The following INHBA variants were observed in gnomAD, a reference collection of about 807,000 sequenced individuals.
The protein encoded by INHBA is inhibin beta A chain.
INHBA carries 1 observed loss-of-function variant against 29.0 expected under a neutral mutation model. That is an observed-to-expected ratio of 0.03 (90% CI 0.01 to 0.16). The LOEUF (loss-of-function observed/expected upper bound fraction) is 0.16, where lower values mean the gene tolerates loss of function less well. INHBA is among the 10% of genes least tolerant of loss of function. The pLI is 1.00. For missense variants in INHBA, 376 were observed against 545.4 expected, an observed-to-expected ratio of 0.69 and a Z score of 3.09; for synonymous variants, 242 against 216.8, an observed-to-expected ratio of 1.12 and a Z score of -1.02.
In INHBA at chr7:41,690,208, C is replaced by G. The variant is rs750879883; in HGVS notation, c.723G>C (p.Arg241=). 6.2e-7 allele frequency: 1 copy of G among 1,614,044 alleles called. No individual in the cohort carries two copies. The highest frequency in any genetic ancestry group is 8.5e-7 in the Non-Finnish European group (1 of 1,180,018). ...LDQGKSSLDV[R]IACEQCQESG... is the part of the protein sequence containing the mutation. ...TCTCCTGGCACTGCTCACAGGCAAT[C>G]CGAACGTCCAGGGAGCTCTTGCCCT... The change falls in exon 3 of 3, where the codon CGG becomes CGC. Residue 241 remains arginine (R), a synonymous_variant. Coordinates refer to ENST00000242208, the MANE Select transcript of INHBA (RefSeq NM_002192.4).
chr7:41,702,020 A>G (rs1047464694), intron 1 of INHBA, among the ~76,000 whole-genome samples: 1 of 152,084 alleles, frequency 6.6e-6, no homozygotes. Context: ...TATTGCTTTT[A>G]TCTTGCAGAA....
At chr7:41,694,250 C>A (rs1030202802) in intron 2 of INHBA, among the ~76,000 whole-genome samples, 1 of 152,082 alleles carries the variant, frequency 6.6e-6, no homozygotes, top group Non-Finnish European at 1.5e-5. Flanking sequence ...ATATATTAAG[C>A]CTCGGAATGT....
intron 2 of INHBA, among the ~76,000 whole-genome samples, chr7:41,696,050 C>CG (rs1173305301): frequency 1.3e-5 from 2 of 151,844 alleles, no homozygotes; most frequent in Admixed American, 1.3e-4. Flanking sequence ...CCCATCTTTC[C>CG]CACCATTTCT....
intron 1 of INHBA, among the ~76,000 whole-genome samples, chr7:41,701,977 T>C (rs1418862054): frequency 6.6e-6 from 1 of 152,176 alleles, no homozygotes; most frequent in Non-Finnish European, 1.5e-5. Flanking sequence ...TAAAAAAAAT[T>C]CTTCCCCCTC....
chr7:41,700,841 A>AAGAGAGAGAGAG (rs3030163), intron 1 of INHBA, among the ~76,000 whole-genome samples: 2,114 of 79,066 alleles, frequency 0.027, 88 homozygotes, highest in Admixed American at 0.051. Flanking sequence ...GAGGGAAAGG[A>AAGAGAGAGAGAG]AGAGAGAGAG....
At chr7:41,699,345 A>C (rs770397348) in intron 2 of INHBA, among the ~76,000 whole-genome samples, 5 of 152,120 alleles carry the variant, frequency 3.3e-5, no homozygotes, top group African/African-American at 4.8e-5. Flanking sequence ...CTGCTGGTTC[A>C]ATGACAACTG....
chr7:41,697,865 A>G (rs750303572), intron 2 of INHBA, among the ~76,000 whole-genome samples: 1 of 152,214 alleles, frequency 6.6e-6, no homozygotes. Context: ...GACAGTCCAT[A>G]CAGCAATCAT....
Position 41,700,114 on chromosome 7 carries a change from G to C in INHBA, c.261C>G (p.Ile87Met), listed in dbSNP as rs756693243. ...CGACTTTGCCCACATGAAGCTTTCT[G>C]ATCGCGTTCAGAAGCGCCGCCTTGG... is the stretch of plus-strand genomic sequence containing the variant. ...PVPKAALLNAIRKLHVGKVGE... is the reference protein window; with the variant it reads ...PVPKAALLNAMRKLHVGKVGE... Residue 87 changes from isoleucine to methionine, a missense_variant, in exon 2 of 3, where the codon ATC (isoleucine) becomes ATG (methionine). Ile to Met is a conservative substitution (Grantham distance 10). Coordinates refer to ENST00000242208, the MANE Select transcript of INHBA (RefSeq NM_002192.4). 1 of 1,614,038 alleles carries C rather than the reference G, an allele frequency of 6.2e-7. No homozygotes were observed. Among genetic ancestry groups the C allele is most frequent in the East Asian group, 2.2e-5 (1 of 44,856 alleles).
rs1055359616 is a variant in INHBA, at chr7:41,689,610, T to C, written c.*40A>G. Reference sequence around the variant, plus strand: ...TTCTTCATTTTGCCACTGTCTTCTCTGGACAACTCTTGCTCCCTTTCCCCC... The same window carrying C: ...TTCTTCATTTTGCCACTGTCTTCTCCGGACAACTCTTGCTCCCTTTCCCCC... On this transcript the variant is annotated 3_prime_UTR_variant, in exon 3 of 3. Coordinates refer to ENST00000242208, the MANE Select transcript of INHBA (RefSeq NM_002192.4). 3 of 1,461,788 alleles carry C rather than the reference T, an allele frequency of 2.1e-6. No individual in the cohort carries two copies. Among genetic ancestry groups the C allele is most frequent in the Non-Finnish European group, 2.7e-6 (3 of 1,108,750 alleles). The allele number at this position is 1,461,788 out of a possible 1,614,324, so 90.6% of individuals were successfully genotyped here.
chr7:41,702,701 T>C (rs1313634651), intron 1 of INHBA, among the ~76,000 whole-genome samples: 2 of 152,208 alleles, frequency 1.3e-5, no homozygotes, highest in Non-Finnish European at 2.9e-5. Flanking sequence ...CTTATCAATA[T>C]TTGGATTCTC....
chr7:41,689,321 G>A lies in INHBA; in HGVS notation c.*329C>T. The A allele has an allele frequency of 3.5e-6, 1 of 282,978 alleles. No homozygotes were observed. The highest frequency in any genetic ancestry group is 6.6e-6 in the Non-Finnish European group (1 of 152,020). The allele number at this position is 282,978 out of a possible 1,614,324, so 17.5% of individuals were successfully genotyped here. On this transcript the variant is annotated 3_prime_UTR_variant, in exon 3 of 3. Transcript: ENST00000242208. ...CAAGGCTCACAAGGGAACCTCAAGG[G>A]GGGAAAGGACAATACCCCGTTTAAA...
rs1299150973 is a variant in INHBA at position 41,689,908 on chromosome 7, A to T, written c.1023T>A (p.Ala341=). 1.3e-5 allele frequency: 21 copies of T among 1,613,886 alleles called. No homozygotes were observed. The highest frequency in any genetic ancestry group is 1.6e-5 in the Non-Finnish European group (19 of 1,180,048). ...AGTAGTTGGCATGATAGCCAGAGGG[A>T]GCAATGATCCAGTCATTCCAGCCGA... is the stretch of plus-strand genomic sequence containing the variant. ...KDIGWNDWII[A]PSGYHANYCE... The change falls in exon 3 of 3, where the codon GCT becomes GCA. Residue 341 remains alanine (A), a synonymous_variant. Coordinates refer to ENST00000242208, the MANE Select transcript of INHBA (RefSeq NM_002192.4).
upstream of INHBA, among the ~76,000 whole-genome samples, chr7:41,704,654 GT>G (rs1794872578): frequency 7.7e-6 from 1 of 129,866 alleles, no homozygotes; most frequent in Non-Finnish European, 1.7e-5. Context: ...GTGTGTGTGT[GT>G]GTAGGTGACG....
At chr7:41,696,420 C>T (rs960653881) in intron 2 of INHBA, among the ~76,000 whole-genome samples, 1 of 152,182 alleles carries the variant, frequency 6.6e-6, no homozygotes, top group Non-Finnish European at 1.5e-5. Flanking sequence ...ATTTCCTTTC[C>T]TTCTGTCTCA....
At chr7:41,701,391 C>T (rs1319325536) in intron 1 of INHBA, among the ~76,000 whole-genome samples, 5 of 152,028 alleles carry the variant, frequency 3.3e-5, no homozygotes, top group South Asian at 2.1e-4. Context: ...ATGGTCCTTT[C>T]CCCCAATTCA....
In INHBA at chr7:41,685,164, G is replaced by A. The variant is rs1449859090; in HGVS notation, c.*4486C>T. The A allele has an allele frequency of 6.6e-6, 1 of 152,100 alleles. No homozygotes were observed. 9.4% of individuals were successfully genotyped at this position (152,100 alleles called of 1,614,324 possible). A position where few individuals can be genotyped will look rare whatever the true frequency, so the allele number is the denominator to read the frequency against. On this transcript the variant is annotated 3_prime_UTR_variant, in exon 3 of 3. Transcript: ENST00000242208. Reference sequence around the variant, plus strand: ...TAACATAAGGCCAAAGAAGCTATCAGGCGTTGCTGAATACTGTCCACTAAC... The same window carrying A: ...TAACATAAGGCCAAAGAAGCTATCAAGCGTTGCTGAATACTGTCCACTAAC...
chr7:41,690,193 C>T lies in INHBA; in HGVS notation c.738G>A (p.Gln246=), dbSNP rs757882910. The T allele has an allele frequency of 6.2e-7, 1 of 1,613,954 alleles. No individual in the cohort carries two copies. The highest frequency in any genetic ancestry group is 8.5e-7 in the Non-Finnish European group (1 of 1,180,008). The change falls in exon 3 of 3, where the codon CAG becomes CAA. Residue 246 remains glutamine, a synonymous_variant. Transcript: ENST00000242208. The part of the protein sequence containing the change: ...SSLDVRIACE[Q]CQESGASLVL... ...CCAAGCTGGCGCCACTCTCCTGGCA[C>T]TGCTCACAGGCAATCCGAACGTCCA... is the stretch of plus-strand genomic sequence containing the variant.
intron 1 of INHBA, among the ~76,000 whole-genome samples, chr7:41,700,841 A>AAGAGAGAGAG (rs3030163): frequency 0.026 from 2,063 of 79,100 alleles, 62 homozygotes; most frequent in East Asian, 0.048. Flanking sequence ...GAGGGAAAGG[A>AAGAGAGAGAG]AGAGAGAGAG....
chr7:41,697,605 T>C (rs1453005988), intron 2 of INHBA, among the ~76,000 whole-genome samples: 1 of 152,228 alleles, frequency 6.6e-6, no homozygotes, highest in African/African-American at 2.4e-5. Context: ...GGTGACAATG[T>C]CTGGATTCTA....
Sources: allele counts gnomAD v4.1 joint callset (sites outside exome capture counted in the v4.1 genomes callset), GRCh38; gene constraint gnomAD v4.1.1; transcripts MANE v1.5; gene names NCBI Gene and HGNC (gene_info 2026-07-23, HGNC 2026-07-21).